Variants in NR2F6 observed in about 807,000 individuals in gnomAD.
NR2F6 encodes the protein ERBA-related gene-2.
In NR2F6, 16 loss-of-function variants were observed where a neutral mutation model predicts 26.5. The ratio of observed to expected loss-of-function variants is 0.60; its 90% CI spans 0.41 to 0.92. The LOEUF (loss-of-function observed/expected upper bound fraction) is 0.92, where lower values mean the gene tolerates loss of function less well. Ranked by LOEUF, NR2F6 falls within the 40% of genes least tolerant of loss-of-function variation. NR2F6 has a pLI of 0.00. For synonymous variants in NR2F6, 325 were observed against 305.0 expected, an observed-to-expected ratio of 1.07 and a Z score of -0.68; for missense variants, 536 against 631.7, an observed-to-expected ratio of 0.85 and a Z score of 1.62.
intron 1 of NR2F6, among the ~76,000 whole-genome samples, chr19:17,243,228 C>G (rs1223742195): frequency 6.6e-6 from 1 of 152,224 alleles, no homozygotes; most frequent in East Asian, 1.9e-4. Context: ...TGCTCTCTCC[C>G]TGGGACCCCA....
In NR2F6 at chr19:17,235,782, G is replaced by T. The variant is rs1167632340; in HGVS notation, c.657C>A (p.His219Gln). Reference protein sequence around the residue: ...LLFSTVEWARHAPFFPELPVA... With the variant: ...LLFSTVEWARQAPFFPELPVA... ...CCGGCAGCTCGGGGAAGAAGGGCGCGTGGCGCGCCCACTCCACGGTGCTGA... is the reference window on the plus strand; with the variant it reads ...CCGGCAGCTCGGGGAAGAAGGGCGCTTGGCGCGCCCACTCCACGGTGCTGA... The change falls in exon 3 of 4, where the codon CAC becomes CAA. Residue 219 changes from histidine (H) to glutamine (Q), a missense_variant. Physicochemically the swap from His to Gln is conservative, Grantham distance 24. Transcript: ENST00000291442. The surrounding 1 kb of genome is among the most constrained non-coding windows in gnomAD (Gnocchi z 5.0). 1 of 1,496,538 alleles carries T rather than the reference G, an allele frequency of 6.7e-7. No individual in the cohort carries two copies. Among genetic ancestry groups the T allele is most frequent in the Non-Finnish European group, 8.8e-7 (1 of 1,131,702 alleles). The allele number at this position is 1,496,538 out of a possible 1,614,324, so 92.7% of individuals were successfully genotyped here. A position where few individuals can be genotyped will look rare whatever the true frequency, so the allele number is the denominator to read the frequency against.
rs1022647400 is a variant in NR2F6, at chr19:17,244,926, G to C, written c.278+17C>G. The C allele has an allele frequency of 3.2e-6, 5 of 1,560,752 alleles. No homozygotes were observed. The highest frequency in any genetic ancestry group is 4.3e-6 in the Non-Finnish European group (5 of 1,152,920). ...GGGGCGGGGTGCACGGCGGCGGCGC[G>C]CGGATGGGGGGCTCACCGGCAGGTG... is the stretch of plus-strand genomic sequence containing the variant. On this transcript the variant is annotated intron_variant, in intron 1 of 3. Transcript: ENST00000291442.
chr19:17,239,609 A>G (rs2073458343), intron 2 of NR2F6, among the ~76,000 whole-genome samples: 2 of 150,924 alleles, frequency 1.3e-5, no homozygotes, highest in Admixed American at 6.6e-5. Context: ...AGCCGAGATC[A>G]TGCCACTGCA....
chr19:17,235,499 C>A lies in NR2F6; in HGVS notation c.940G>T (p.Asp314Tyr). The A allele has an allele frequency of 6.3e-7, 1 of 1,584,198 alleles. No individual in the cohort carries two copies. The highest frequency in any genetic ancestry group is 1.1e-5 in the South Asian group (1 of 88,262). The stretch of plus-strand genomic sequence containing the variant: ...CGGCCCTCTTCGGAGCGTGGCTCAC[C>A]GGGCGTGAAGAGCGCGATGGCCTTG... ...CLKAIALFTPDACGLSDPAHV... is the reference protein window; with the variant it reads ...CLKAIALFTPYACGLSDPAHV... The change falls in exon 3 of 4, where the codon GAC (aspartate) becomes TAC (tyrosine). Residue 314 changes from aspartate (D) to tyrosine (Y), a missense_variant and splice_region_variant. Transcript: ENST00000291442. The surrounding 1 kb of genome is among the most constrained non-coding windows in gnomAD (Gnocchi z 5.0).
Position 17,245,393 on chromosome 19 carries a change from G to A in NR2F6, c.-173C>T. ...TCCTGCGGCCGGTCCTCGCGCCCGG[G>A]CGGAACTGGTCGGGCCGGTTCCAGG... On this transcript the variant is annotated 5_prime_UTR_variant, in exon 1 of 4. Transcript: ENST00000291442. This position sits in a 1 kb window ranked among gnomAD's most constrained non-coding sequence, Gnocchi z 5.0. The A allele has an allele frequency of 2.2e-6, 1 of 464,908 alleles. No individual in the cohort carries two copies. The highest frequency in any genetic ancestry group is 3.2e-6 in the Non-Finnish European group (1 of 313,850). The allele number at this position is 464,908 out of a possible 1,614,324, so 28.8% of individuals were successfully genotyped here. A position where few individuals can be genotyped will look rare whatever the true frequency, so the allele number is the denominator to read the frequency against.
In NR2F6 at chr19:17,232,536, G is replaced by C; in HGVS notation, c.1031C>G (p.Pro344Arg). The change falls in exon 4 of 4, where the codon CCG (proline) becomes CGG (arginine). Residue 344 changes from proline to arginine, a missense_variant. Coordinates refer to ENST00000291442, the MANE Select transcript of NR2F6 (RefSeq NM_005234.4). ...GCGCCCGAAGCGCTGGGGCTGGGAC[G>C]GGTACTGCGCCCGCACATACTCGGT... ...ALTEYVRAQYPSQPQRFGRLL... is the reference protein window; with the variant it reads ...ALTEYVRAQYRSQPQRFGRLL... 6.2e-7 allele frequency: 1 copy of C among 1,608,680 alleles called. No homozygotes were observed. The highest frequency in any genetic ancestry group is 1.1e-5 in the South Asian group (1 of 90,660).
At chr19:17,238,386 T>C (rs2073450734) in intron 2 of NR2F6, among the ~76,000 whole-genome samples, 1 of 152,088 alleles carries the variant, frequency 6.6e-6, no homozygotes, top group Admixed American at 6.6e-5. Flanking sequence ...TCAGGAGGGC[T>C]TCCCTGAGGA....
intron 3 of NR2F6, 67 bp from the exon 4 acceptor site, chr19:17,232,693 C>T (rs2073414497): frequency 6.7e-7 from 1 of 1,487,464 alleles, no homozygotes; most frequent in South Asian, 1.4e-5. Context: ...ACAGGGGTGA[C>T]TAGGGGACAC....
chr19:17,239,054 T>C (rs2073454699), intron 2 of NR2F6, among the ~76,000 whole-genome samples: 1 of 151,376 alleles, frequency 6.6e-6, no homozygotes, highest in African/African-American at 2.4e-5. Flanking sequence ...AATACAAAAA[T>C]TAGGCCAGGC....
chr19:17,239,954 G>A (rs770806713), intron 2 of NR2F6, among the ~76,000 whole-genome samples: 9 of 152,188 alleles, frequency 5.9e-5, no homozygotes, highest in Non-Finnish European at 1.0e-4. Context: ...CCCAGCACAG[G>A]AGATCTCGTC....
chr19:17,235,845 GC>G lies in NR2F6; in HGVS notation c.593del (p.Gly198AlafsTer40). 1 of 1,473,628 alleles carries G rather than the reference GC, an allele frequency of 6.8e-7. No individual in the cohort carries two copies. Among genetic ancestry groups the G allele is most frequent in the Admixed American group, 2.4e-5 (1 of 41,354 alleles). The allele number at this position is 1,473,628 out of a possible 1,614,324, so 91.3% of individuals were successfully genotyped here. On this transcript the variant is annotated frameshift_variant, in exon 3 of 4. Transcript: ENST00000291442. LOFTEE classifies it high-confidence loss of function. The surrounding 1 kb of genome is among the most constrained non-coding windows in gnomAD (Gnocchi z 5.0). ...AGGGAAGAVL[G>X]IDNVCELAAR... ...CCGCCAGCTCGCACACGTTGTCGATGCCCAGCACCGCGCCCGCCGCGCCGCC... is the reference window on the plus strand; with the variant it reads ...CCGCCAGCTCGCACACGTTGTCGATGCCAGCACCGCGCCCGCCGCGCCGCC...
rs943808077 is a variant in NR2F6, at chr19:17,232,175, G to T, written c.*177C>A. Reference sequence around the variant, plus strand: ...AGGCCTGGATGATCAGTCTCTTTTTGGTTTCATGATCATTTAAAAAACAGA... The same window carrying T: ...AGGCCTGGATGATCAGTCTCTTTTTTGTTTCATGATCATTTAAAAAACAGA... On this transcript the variant is annotated 3_prime_UTR_variant, in exon 4 of 4. Coordinates refer to ENST00000291442, the MANE Select transcript of NR2F6 (RefSeq NM_005234.4). 7 of 899,524 alleles carry T rather than the reference G, an allele frequency of 7.8e-6. No homozygotes were observed. The highest frequency in any genetic ancestry group is 3.4e-5 in the African/African-American group (2 of 59,354). The allele number at this position is 899,524 out of a possible 1,614,324, so 55.7% of individuals were successfully genotyped here.
intron 3 of NR2F6, among the ~76,000 whole-genome samples, chr19:17,234,616 C>A (rs528700170): frequency 2.6e-5 from 4 of 152,098 alleles, no homozygotes; most frequent in Non-Finnish European, 2.9e-5. Flanking sequence ...CTTTGGGTGG[C>A]TGAGGCAGGA....
rs2073429777 is a variant in NR2F6 at position 17,235,331 on chromosome 19, A to G, written c.940+168T>C. Among the ~76,000 whole-genome samples the G allele has an allele frequency of 1.3e-5, 2 of 152,156 alleles. No homozygotes were observed. The highest frequency in any genetic ancestry group is 1.3e-4 in the Admixed American group (2 of 15,284). On this transcript the variant is annotated intron_variant, in intron 3 of 3. Coordinates refer to ENST00000291442, the MANE Select transcript of NR2F6 (RefSeq NM_005234.4). The surrounding 1 kb of genome is among the most constrained non-coding windows in gnomAD (Gnocchi z 5.0). ...GGTGTCACAGTGTCACACTGCTTAC[A>G]TCACCCCTCTACAGCCACCCAAGAG...
At position 17,240,750 on chromosome 19, in the gene NR2F6, G is replaced by A; in HGVS notation, c.294C>T (p.Cys98=). ...LSYTCRSNRD[C]QIDQHHRNQC... is the part of the protein sequence containing the mutation. The stretch of plus-strand genomic sequence containing the variant: ...GGTTCCGGTGGTGCTGGTCGATCTG[G>A]CAGTCACGGTTGGACCTGGGGGCAC... Residue 98 remains cysteine, a synonymous_variant, in exon 2 of 4, where the codon TGC becomes TGT. Coordinates refer to ENST00000291442, the MANE Select transcript of NR2F6 (RefSeq NM_005234.4). 1 of 1,614,080 alleles carries A rather than the reference G, an allele frequency of 6.2e-7. No individual in the cohort carries two copies. Among genetic ancestry groups the A allele is most frequent in the Non-Finnish European group, 8.5e-7 (1 of 1,179,992 alleles).
chr19:17,238,825 T>C (rs1412886983), intron 2 of NR2F6, among the ~76,000 whole-genome samples: 1 of 152,108 alleles, frequency 6.6e-6, no homozygotes, highest in Non-Finnish European at 1.5e-5. Flanking sequence ...CCCAGTAGTT[T>C]GGGAGGCCAA....
chr19:17,235,595 C>A lies in NR2F6; in HGVS notation c.844G>T (p.Val282Leu), dbSNP rs765880765. ...TCCACCTGCTCCTGGAAGGCGCGCACCTGGTCCATGAAAGCCACGGCGCGC... is the reference window on the plus strand; with the variant it reads ...TCCACCTGCTCCTGGAAGGCGCGCAACTGGTCCATGAAAGCCACGGCGCGC... ...AERAVAFMDQ[V>L]RAFQEQVDKL... Residue 282 changes from valine (V) to leucine (L), a missense_variant, in exon 3 of 4, where the codon GTG becomes TTG. Physicochemically the swap from Val to Leu is conservative, Grantham distance 32. Transcript: ENST00000291442. This position sits in a 1 kb window ranked among gnomAD's most constrained non-coding sequence, Gnocchi z 5.0. 51 of 1,583,692 alleles carry A rather than the reference C, an allele frequency of 3.2e-5. No individual in the cohort carries two copies. Among genetic ancestry groups the A allele is most frequent in the Non-Finnish European group, 4.2e-5 (49 of 1,173,260 alleles).
chr19:17,235,372 C>A lies in NR2F6; in HGVS notation c.940+127G>T, dbSNP rs1599453365. 3 of 1,461,040 alleles carry A rather than the reference C, an allele frequency of 2.1e-6. No individual in the cohort carries two copies. The East Asian group carries it at 7.8e-5, about 38-fold the overall frequency. 90.5% of individuals were successfully genotyped at this position (1,461,040 alleles called of 1,614,324 possible). ...CACCCAAGAGCGTTCACTCACGGCG[C>A]GTGCAGGGCCCCAGGCCTAGGGAGC... On this transcript the variant is annotated intron_variant, in intron 3 of 3. Transcript: ENST00000291442. This position sits in a 1 kb window ranked among gnomAD's most constrained non-coding sequence, Gnocchi z 5.0.
intron 1 of NR2F6, 64 bp downstream of exon 1, chr19:17,244,879 G>A (rs1410645249): frequency 2.0e-5 from 31 of 1,535,576 alleles, no homozygotes; most frequent in Non-Finnish European, 2.5e-5. Flanking sequence ...TGACCGAGCA[G>A]GTCAGAGGCC....
Sources: gnomAD v4.1 joint callset for allele counts (sites outside exome capture counted in the v4.1 genomes callset) on GRCh38, gnomAD v4.1.1 for gene constraint, Gnocchi (gnomAD v3.1) non-coding constraint, MANE v1.5 for transcripts, NCBI Gene and HGNC (gene_info 2026-07-23, HGNC 2026-07-21) for gene names.